IFT172: variants seen among roughly 807,000 people sequenced by gnomAD.
IFT172 encodes the protein intraflagellar transport 172, also known as intraflagellar transport protein 172 homolog.
Under a neutral mutation model 248.9 loss-of-function variants are expected in IFT172, and 164 were observed. The observed-to-expected ratio is 0.66, with a 90% CI of 0.58 to 0.75. The LOEUF (loss-of-function observed/expected upper bound fraction) is 0.75, where lower values mean the gene tolerates loss of function less well. Ranked by LOEUF, IFT172 falls within the 30% of genes least tolerant of loss-of-function variation. The probability of loss-of-function intolerance (pLI) is 0.00; values close to 1 mark genes in which losing one functional copy is unlikely to be tolerated. For missense variants in IFT172, 1,950 were observed against 2,192.4 expected (o/e 0.89, Z 2.21); for synonymous variants, 729 against 791.6 (o/e 0.92, Z 1.33).
intron 30 of IFT172, chr2:27,455,206 C>A: frequency 3.1e-6 from 1 of 325,508 alleles, no homozygotes; most frequent in South Asian, 2.9e-5. Flanking sequence ...TCAACAATGC[C>A]AGAAAGAGAG....
At position 27,477,713 on chromosome 2, in the gene IFT172, G is replaced by A. The variant is rs1480590136; in HGVS notation, c.1168-101C>T. The A allele has an allele frequency of 6.5e-6, 6 of 919,204 alleles. No homozygotes were observed. In the Admixed American group the frequency reaches 8.7e-5, roughly 13 times the overall value. 56.9% of individuals were successfully genotyped at this position (919,204 alleles called of 1,614,324 possible). ...TTGGGAAGTGGAAAGATATATTTAT[G>A]TAGGCTTTGGCACTACACAAAAGAG... On this transcript the variant is annotated intron_variant, in intron 11 of 47. Transcript: ENST00000260570.
At position 27,484,284 on chromosome 2, in the gene IFT172, G is replaced by A. The variant is rs759183338; in HGVS notation, c.297-18C>T. On this transcript the variant is annotated intron_variant, in intron 3 of 47. Transcript: ENST00000260570. Reference sequence around the variant, plus strand: ...TGTCACCCCTGCCAAACAAAAGAAGGGGAAACATATTAAAAACCACTTCCA... The same window carrying A: ...TGTCACCCCTGCCAAACAAAAGAAGAGGAAACATATTAAAAACCACTTCCA... 1 of 1,613,270 alleles carries A rather than the reference G, an allele frequency of 6.2e-7. No homozygotes were observed. Among genetic ancestry groups the A allele is most frequent in the African/African-American group, 1.3e-5 (1 of 74,890 alleles).
intron 3 of IFT172, 50 bp downstream of exon 3, chr2:27,484,968 G>T (rs1346587569): frequency 2.8e-6 from 3 of 1,072,038 alleles, no homozygotes; most frequent in Non-Finnish European, 4.3e-6. Context: ...CATTTCTCTT[G>T]CCTTCCCCTT....
chr2:27,484,975 C>A, intron 3 of IFT172, 43 bp downstream of exon 3: 1 of 1,140,320 alleles, frequency 8.8e-7, no homozygotes, highest in South Asian at 1.3e-5. Context: ...CTTGCCTTCC[C>A]CTTCTTTCCT....
rs779475846 is a variant in IFT172, at chr2:27,457,997, G to C, written c.2976-21C>G. ...ATAGCCTGGGGAAGGAGATACATCT[G>C]GGGCCTCCTAGACCCGACCCCTGCT... On this transcript the variant is annotated intron_variant, in intron 27 of 47. Transcript: ENST00000260570. The C allele has an allele frequency of 2.5e-6, 4 of 1,613,936 alleles. No homozygotes were observed. In the Admixed American group the frequency reaches 5.0e-5, roughly 20 times the overall value.
chr2:27,451,887 C>A (rs1312556623), intron 35 of IFT172, among the ~76,000 whole-genome samples: 1 of 151,922 alleles, frequency 6.6e-6, no homozygotes, highest in African/African-American at 2.4e-5. Flanking sequence ...CCCTCATGAC[C>A]CCCACTCACA....
At chr2:27,480,386 A>T (rs529572822) in intron 8 of IFT172, among the ~76,000 whole-genome samples, 2 of 152,340 alleles carry the variant, frequency 1.3e-5, no homozygotes, top group Admixed American at 1.3e-4. Flanking sequence ...CAAAAAGACC[A>T]GGGCAGGTGA....
intron 11 of IFT172, 111 bp downstream of exon 11, chr2:27,477,884 C>G (rs936065224): frequency 1.6e-5 from 22 of 1,380,766 alleles, no homozygotes; most frequent in Non-Finnish European, 2.1e-5. Flanking sequence ...GTCCCCTACA[C>G]CAGAATGTTA....
At chr2:27,471,859 G>A (rs1224499500) in intron 15 of IFT172, 3 of 279,506 alleles carry the variant, frequency 1.1e-5, no homozygotes, top group Non-Finnish European at 2.0e-5. Context: ...CCAACATGGT[G>A]AAAACCCATC....
chr2:27,452,292 G>C (rs1665749850), intron 35 of IFT172, among the ~76,000 whole-genome samples: 1 of 152,116 alleles, frequency 6.6e-6, no homozygotes, highest in South Asian at 2.1e-4. Flanking sequence ...GATTTGAACT[G>C]AAACATCAGC....
Position 27,484,214 on chromosome 2 carries a change from G to A in IFT172, c.336+13C>T. 6.2e-7 allele frequency: 1 copy of A among 1,614,000 alleles called. No homozygotes were observed. The highest frequency in any genetic ancestry group is 8.5e-7 in the Non-Finnish European group (1 of 1,179,924). On this transcript the variant is annotated intron_variant, in intron 4 of 47. Coordinates refer to ENST00000260570, the MANE Select transcript of IFT172 (RefSeq NM_015662.3). ...GTTCATCCTAAGGTTCCAGGGACTG[G>A]TCTGAACTTTACCGTCTGGATGAAC...
At chr2:27,446,121 C>G (rs1572710904) in intron 43 of IFT172, 133 bp from the exon 44 acceptor site, 2 of 1,377,372 alleles carry the variant, frequency 1.5e-6, no homozygotes, top group Non-Finnish European at 2.1e-6. Flanking sequence ...GGAGAAAAAT[C>G]CAGGAAGACA....
chr2:27,462,723 G>C lies in IFT172; in HGVS notation c.2093C>G (p.Ala698Gly). Reference sequence around the variant, plus strand: ...TACCTGTTCCAAAAAGATCATTTCAGCCAGTTTGTAGTTCTTTTCCAGCAT... The same window carrying C: ...TACCTGTTCCAAAAAGATCATTTCACCCAGTTTGTAGTTCTTTTCCAGCAT... ...LAMLEKNYKL[A>G]EMIFLEQNAV... is the part of the protein sequence containing the mutation. The change falls in exon 20 of 48, where the codon GCT becomes GGT. Residue 698 changes from alanine (A) to glycine (G), a missense_variant. Around this residue, in one of 3 missense-constraint regions of IFT172, gnomAD observed 1,166 missense variants for 1,254.1 expected, o/e 0.93. Transcript: ENST00000260570. 1 of 1,613,640 alleles carries C rather than the reference G, an allele frequency of 6.2e-7. No homozygotes were observed. Among genetic ancestry groups the C allele is most frequent in the Non-Finnish European group, 8.5e-7 (1 of 1,179,802 alleles).
At chr2:27,446,124 G>A (rs897338264) in intron 43 of IFT172, 136 bp from the exon 44 acceptor site, 20 of 1,348,330 alleles carry the variant, frequency 1.5e-5, no homozygotes, top group Non-Finnish European at 1.8e-5. Context: ...GAAAAATCCA[G>A]GAAGACATAG....
Position 27,454,272 on chromosome 2 carries a change from T to A in IFT172, c.3530+82A>T, listed in dbSNP as rs1051725069. 1.2e-6 allele frequency: 2 copies of A among 1,606,914 alleles called. No individual in the cohort carries two copies. Among genetic ancestry groups the A allele is most frequent in the African/African-American group, 2.7e-5 (2 of 74,778 alleles). ...GTGTAACACTGATTTGTTCTAGGTT[T>A]GAATGAAGGTCAAGATAATCATGAA... On this transcript the variant is annotated intron_variant, in intron 32 of 47. Coordinates refer to ENST00000260570, the MANE Select transcript of IFT172 (RefSeq NM_015662.3). This position sits in a 1 kb window ranked among gnomAD's most constrained non-coding sequence, Gnocchi z 4.2.
Position 27,445,591 on chromosome 2 carries a change from C to T in IFT172, c.4915-142G>A. The T allele has an allele frequency of 7.8e-7, 1 of 1,275,088 alleles. No individual in the cohort carries two copies. Among genetic ancestry groups the T allele is most frequent in the African/African-American group, 1.5e-5 (1 of 67,066 alleles). The allele number at this position is 1,275,088 out of a possible 1,614,324, so 79.0% of individuals were successfully genotyped here. ...CGAATCCTCCTTGGATTGGGGGATGCAGTCACAGCCTTTTCTTTCTATTTT... is the reference window on the plus strand; with the variant it reads ...CGAATCCTCCTTGGATTGGGGGATGTAGTCACAGCCTTTTCTTTCTATTTT... On this transcript the variant is annotated intron_variant, in intron 45 of 47. Transcript: ENST00000260570. The surrounding 1 kb of genome is among the most constrained non-coding windows in gnomAD (Gnocchi z 4.4).
At chr2:27,477,895 G>A in intron 11 of IFT172, 100 bp downstream of exon 11, 1 of 1,452,170 alleles carries the variant, frequency 6.9e-7, no homozygotes, top group East Asian at 2.3e-5. Context: ...CAGAATGTTA[G>A]AACTTCTCAT....
chr2:27,476,282 G>A (rs2148540286), intron 14 of IFT172, among the ~76,000 whole-genome samples: 1 of 152,146 alleles, frequency 6.6e-6, no homozygotes, highest in African/African-American at 2.4e-5. Context: ...TTTTGTTTTT[G>A]TTTTAAGAGA....
At chr2:27,446,098 C>A (rs768909809) in intron 43 of IFT172, 110 bp from the exon 44 acceptor site, 44 of 1,444,986 alleles carry the variant, frequency 3.0e-5, no homozygotes, top group Non-Finnish European at 4.1e-5. Context: ...AATGCTATTT[C>A]TCTGGGATCC....
Sources: gnomAD v4.1 joint callset for allele counts (sites outside exome capture counted in the v4.1 genomes callset) on GRCh38, gnomAD v4.1.1 for gene constraint, gnomAD v4.1.1 regional missense constraint, Gnocchi (gnomAD v3.1) non-coding constraint, MANE v1.5 for transcripts, NCBI Gene and HGNC (gene_info 2026-07-23, HGNC 2026-07-21) for gene names.